The following FRYL variants were observed in gnomAD, a reference collection of about 807,000 sequenced individuals.
FRYL encodes the protein FRY like transcription coactivator.
In FRYL, 150 loss-of-function variants were observed where a neutral mutation model predicts 351.2. The ratio of observed to expected loss-of-function variants is 0.43; its 90% CI spans 0.37 to 0.49. The LOEUF is 0.49. FRYL is among the 20% of genes least tolerant of loss of function. FRYL has a pLI of 0.00. For missense variants in FRYL, 3,036 were observed against 3,619.3 expected, an observed-to-expected ratio of 0.84 and a Z score of 4.13; for synonymous variants, 1,153 against 1,257.1, an observed-to-expected ratio of 0.92 and a Z score of 1.75.
intron 54 of FRYL, among the ~76,000 whole-genome samples, chr4:48,521,925 C>T (rs1162681735): frequency 6.6e-6 from 1 of 152,126 alleles, no homozygotes; most frequent in Non-Finnish European, 1.5e-5. Context: ...TCAGGCCCTT[C>T]CATTCAACAT....
chr4:48,605,031 G>A (rs1396504409), intron 11 of FRYL, among the ~76,000 whole-genome samples: 1 of 152,100 alleles, frequency 6.6e-6, no homozygotes, highest in African/African-American at 2.4e-5. Flanking sequence ...TCTAATAAAA[G>A]ACTAAAACTG....
chr4:48,659,510 A>G (rs1398921082), intron 3 of FRYL, among the ~76,000 whole-genome samples: 14 of 1,034 alleles, frequency 0.014, 6 homozygotes, highest in African/African-American at 0.014. Flanking sequence ...GGAGAAGAAG[A>G]AGAGGGAGAA....
chr4:48,678,657 G>GA (rs1236812049), intron 3 of FRYL, among the ~76,000 whole-genome samples: 2 of 151,854 alleles, frequency 1.3e-5, no homozygotes, highest in Non-Finnish European at 2.9e-5. Flanking sequence ...TCCTGAGGTT[G>GA]AATTTTTTTT....
chr4:48,632,106 A>ATATATATATATATATATG (rs1753276268), intron 4 of FRYL, among the ~76,000 whole-genome samples: 1 of 58,202 alleles, frequency 1.7e-5, no homozygotes, highest in Non-Finnish European at 3.7e-5. Context: ...ATATATATAT[A>ATATATATATATATATATG]TATATATATA....
At chr4:48,761,003 C>CTCTG in intron 1 of FRYL, among the ~76,000 whole-genome samples, 1 of 121,688 alleles carries the variant, frequency 8.2e-6, no homozygotes, top group South Asian at 2.7e-4. Flanking sequence ...TATTATTACT[C>CTCTG]TGTCTGTGTG....
chr4:48,538,338 T>C (rs1729351251), intron 47 of FRYL, among the ~76,000 whole-genome samples: 1 of 152,180 alleles, frequency 6.6e-6, no homozygotes, highest in African/African-American at 2.4e-5. Context: ...TTAAGAATCT[T>C]TCCCTATCTA....
intron 47 of FRYL, among the ~76,000 whole-genome samples, chr4:48,539,714 A>G (rs1198363487): frequency 6.6e-6 from 1 of 152,208 alleles, no homozygotes; most frequent in African/African-American, 2.4e-5. Context: ...AGGCAGAAGT[A>G]TGGAAAAAGA....
chr4:48,544,713 TG>T, intron 43 of FRYL, 69 bp downstream of exon 43: 2 of 1,328,140 alleles, frequency 1.5e-6, no homozygotes, highest in Non-Finnish European at 2.0e-6. Flanking sequence ...ATTAACTTTT[TG>T]CTAAGCATTA....
intron 3 of FRYL, chr4:48,637,508 T>C (rs1433008951): frequency 6.6e-6 from 1 of 152,108 alleles, no homozygotes; most frequent in Non-Finnish European, 1.5e-5. Context: ...TTTTGAAAGA[T>C]TTATGTAAGC....
At chr4:48,734,061 A>G (rs192860775) in intron 1 of FRYL, among the ~76,000 whole-genome samples, 130 of 152,248 alleles carry the variant, frequency 8.5e-4, no homozygotes, top group African/African-American at 3.0e-3. Context: ...AACCAACTAC[A>G]TCAATAATCA....
intron 2 of FRYL, among the ~76,000 whole-genome samples, chr4:48,700,909 G>C (rs1421355968): frequency 6.6e-6 from 1 of 151,222 alleles, no homozygotes; most frequent in Non-Finnish European, 1.5e-5. Context: ...GTAAGTACTT[G>C]CCCTAGTTAC....
At chr4:48,683,419 TAA>T (rs76907554) in intron 3 of FRYL, among the ~76,000 whole-genome samples, 5 of 137,482 alleles carry the variant, frequency 3.6e-5, no homozygotes, top group South Asian at 2.3e-4. Flanking sequence ...AAAGTATAAT[TAA>T]AAAAAAAAAA....
Position 48,547,647 on chromosome 4 carries a change from C to T in FRYL, c.5011G>A (p.Glu1671Lys). The T allele has an allele frequency of 3.7e-6, 6 of 1,607,468 alleles. No individual in the cohort carries two copies. The highest frequency in any genetic ancestry group is 5.1e-6 in the Non-Finnish European group (6 of 1,175,418). Residue 1671 changes from glutamate to lysine, a missense_variant, in exon 41 of 64, where the codon GAG (glutamate) becomes AAG (lysine). Physicochemically the swap from Glu to Lys is moderately conservative, Grantham distance 56. This residue lies in a region of FRYL where 1,987 missense variants were observed against 2,311.7 expected (regional missense o/e 0.86). Transcript: ENST00000358350. ...TVASVLLRNK[E>K]FNEPRVLTVK... ...GTAAGCACCCTGGGCTCATTAAACTCCTTGTTCCTGAGAAGGACAGAAGCA... is the reference window on the plus strand; with the variant it reads ...GTAAGCACCCTGGGCTCATTAAACTTCTTGTTCCTGAGAAGGACAGAAGCA...
intron 19 of FRYL, among the ~76,000 whole-genome samples, chr4:48,584,563 G>A (rs1409635666): frequency 1.3e-5 from 2 of 152,134 alleles, no homozygotes; most frequent in African/African-American, 2.4e-5. Context: ...ATACAATATG[G>A]GAGAAGAGAG....
rs1560729651 is a variant in FRYL, at chr4:48,619,815, C to G, written c.315-445G>C. Among the ~76,000 whole-genome samples the G allele has an allele frequency of 4.6e-5, 7 of 152,140 alleles. No individual in the cohort carries two copies. The South Asian group carries it at 1.2e-3, about 27-fold the overall frequency. ...GCCTGGTCTGAAGCTTTTTAATAAT[C>G]CAACATATGCAAAAACATGTTTTTA... On this transcript the variant is annotated intron_variant, in intron 6 of 63. Coordinates refer to ENST00000358350, the MANE Select transcript of FRYL (RefSeq NM_015030.2).
chr4:48,613,726 C>T (rs1376577275), intron 7 of FRYL, among the ~76,000 whole-genome samples: 2 of 151,482 alleles, frequency 1.3e-5, no homozygotes, highest in Non-Finnish European at 2.9e-5. Context: ...GAGGCTGAGG[C>T]GGGTGGATCA....
chr4:48,508,226 G>T (rs565239617), intron 59 of FRYL, among the ~76,000 whole-genome samples: 5 of 152,286 alleles, frequency 3.3e-5, no homozygotes, highest in Admixed American at 2.0e-4. Context: ...CAAGAAGTTT[G>T]TAAGCATTAT....
intron 62 of FRYL, among the ~76,000 whole-genome samples, chr4:48,500,592 T>C (rs569616071): frequency 2.4e-4 from 36 of 152,294 alleles, no homozygotes; most frequent in Middle Eastern, 3.4e-3. Context: ...GGTATTTTTA[T>C]ATAAAAAATA....
Position 48,512,596 on chromosome 4 carries a change from G to A in FRYL, c.8030C>T (p.Pro2677Leu). ...FLSAIIAAFQ[P>L]VAYDDEEEAW... ...TTCCTCTTCATCATCATATGCCACG[G>A]GCTGAAAGGCGGCTATGATGGCAGA... Residue 2677 changes from proline (P) to leucine (L), a missense_variant, in exon 57 of 64, where the codon CCC becomes CTC. Pro to Leu is a moderately conservative substitution (Grantham distance 98, BLOSUM62 -3). This residue lies in a region of FRYL where 1,987 missense variants were observed against 2,311.7 expected (regional missense o/e 0.86). Transcript: ENST00000358350. 1 of 1,613,942 alleles carries A rather than the reference G, an allele frequency of 6.2e-7. No homozygotes were observed. Among genetic ancestry groups the A allele is most frequent in the Non-Finnish European group, 8.5e-7 (1 of 1,179,898 alleles).
Sources: allele counts gnomAD v4.1 joint callset (sites outside exome capture counted in the v4.1 genomes callset), GRCh38; gene constraint gnomAD v4.1.1; regional missense constraint gnomAD v4.1.1; transcripts MANE v1.5; gene names NCBI Gene and HGNC (gene_info 2026-07-23, HGNC 2026-07-21).